TRPM6: variants seen among roughly 807,000 people sequenced by gnomAD.
TRPM6 encodes transient receptor potential cation channel subfamily M member 6, also known as channel kinase 2.
Under a neutral mutation model 247.6 loss-of-function variants are expected in TRPM6, and 111 were observed. That is an observed-to-expected ratio of 0.45 (90% confidence interval 0.38 to 0.52). TRPM6 has a LOEUF of 0.52. Among genes scored for constraint, TRPM6 ranks in the 20% least tolerant of loss-of-function variants. The probability of loss-of-function intolerance (pLI) is 0.00; values close to 1 mark genes in which losing one functional copy is unlikely to be tolerated. For missense variants in TRPM6, 2,126 were observed against 2,421.5 expected, an observed-to-expected ratio of 0.88 and a Z score of 2.56; for synonymous variants, 892 against 853.8, an observed-to-expected ratio of 1.04 and a Z score of -0.78.
chr9:74,766,684 G>A (rs1220079196), intron 25 of TRPM6, among the ~76,000 whole-genome samples: 1 of 152,022 alleles, frequency 6.6e-6, no homozygotes. Context: ...ACTGAGGCAG[G>A]TGGATCATCT....
At chr9:74,771,547 T>A (rs1483104862) in intron 25 of TRPM6, among the ~76,000 whole-genome samples, 156 bp downstream of exon 25, 2 of 152,240 alleles carry the variant, frequency 1.3e-5, no homozygotes, top group Non-Finnish European at 2.9e-5. Flanking sequence ...TTAATAAATA[T>A]ACTTTGATTA....
intron 37 of TRPM6, among the ~76,000 whole-genome samples, chr9:74,731,562 C>G (rs1825521909): frequency 6.6e-6 from 1 of 151,718 alleles, no homozygotes; most frequent in African/African-American, 2.4e-5. Flanking sequence ...GGCCTCTTTG[C>G]ATAGAAGCCT....
In TRPM6 at chr9:74,801,926, C is replaced by T. The variant is rs1021650035; in HGVS notation, c.1981G>A (p.Ala661Thr). ...GAGTAATTCTTCAACTCTTCTGAGGCATCATCCACCATGTGACTCTCCTTA... is the reference window on the plus strand; with the variant it reads ...GAGTAATTCTTCAACTCTTCTGAGGTATCATCCACCATGTGACTCTCCTTA... ...EAKESHMVDD[A>T]SEELKNYSKQ... The change falls in exon 16 of 39, where the codon GCC becomes ACC. Residue 661 changes from alanine to threonine, a missense_variant. Ala to Thr is a moderately conservative substitution (Grantham distance 58, BLOSUM62 0). Transcript: ENST00000360774. The T allele has an allele frequency of 6.2e-7, 1 of 1,614,112 alleles. No homozygotes were observed. Among genetic ancestry groups the T allele is most frequent in the African/African-American group, 1.3e-5 (1 of 74,954 alleles).
At position 74,762,928 on chromosome 9, in the gene TRPM6, T is replaced by G; in HGVS notation, c.3743A>C (p.Lys1248Thr). 6.2e-7 allele frequency: 1 copy of G among 1,605,804 alleles called. No individual in the cohort carries two copies. Residue 1248 changes from lysine (K) to threonine (T), a missense_variant, in exon 26 of 39, where the codon AAA becomes ACA. Lys to Thr is a moderately conservative substitution (Grantham distance 78). Around this residue, in one of 3 missense-constraint regions of TRPM6, gnomAD observed 717 missense variants for 715.9 expected, o/e 1.00. Coordinates refer to ENST00000360774, the MANE Select transcript of TRPM6 (RefSeq NM_017662.5). ...LAKRKHSTCK[K>T]LPHSWSNVIC... The stretch of plus-strand genomic sequence containing the variant: ...GACATTGCTCCAGCTGTGGGGAAGT[T>G]TTTTGCAAGTAGAATGCTTTCTCTT...
At position 74,732,728 on chromosome 9, in the gene TRPM6, C is replaced by T; in HGVS notation, c.5785G>A (p.Glu1929Lys). Residue 1929 changes from glutamate (E) to lysine (K), a missense_variant, in exon 37 of 39, where the codon GAA becomes AAA. Coordinates refer to ENST00000360774, the MANE Select transcript of TRPM6 (RefSeq NM_017662.5). ...LLVLDLQGVGENLTDPSVIKP... is the reference protein window; with the variant it reads ...LLVLDLQGVGKNLTDPSVIKP... ...ATAACAGATGGATCTGTCAAATTTT[C>T]TCCAACACCTCAAAAGAAGAAACAA... The T allele has an allele frequency of 6.2e-7, 1 of 1,609,000 alleles. No homozygotes were observed. Among genetic ancestry groups the T allele is most frequent in the Non-Finnish European group, 8.5e-7 (1 of 1,177,482 alleles).
chr9:74,856,572 A>T (rs751551405), intron 2 of TRPM6, among the ~76,000 whole-genome samples: 1 of 152,134 alleles, frequency 6.6e-6, no homozygotes, highest in Non-Finnish European at 1.5e-5. Context: ...TAAGTTATTC[A>T]GAAACTAATA....
intron 25 of TRPM6, among the ~76,000 whole-genome samples, chr9:74,771,390 A>G (rs1282659241): frequency 6.6e-6 from 1 of 151,964 alleles, no homozygotes; most frequent in African/African-American, 2.4e-5. Context: ...TTCTCCATCC[A>G]CTTCATTTCT....
chr9:74,806,008 T>A (rs928222582), intron 14 of TRPM6, among the ~76,000 whole-genome samples: 1 of 151,218 alleles, frequency 6.6e-6, no homozygotes, highest in Admixed American at 6.6e-5. Context: ...GAATTATTCA[T>A]TTTTTATGTA....
intron 9 of TRPM6, chr9:74,820,082 G>A: frequency 1.8e-6 from 1 of 541,688 alleles, no homozygotes; most frequent in East Asian, 3.3e-5. Context: ...GTGTGCCATG[G>A]TGGTTTGCTG....
chr9:74,880,133 A>AT (rs1317268043), intron 1 of TRPM6, among the ~76,000 whole-genome samples: 2 of 152,066 alleles, frequency 1.3e-5, no homozygotes, highest in Non-Finnish European at 2.9e-5. Flanking sequence ...AGAAATGAGG[A>AT]TTTTTCCTGA....
At chr9:74,750,610 G>T in intron 30 of TRPM6, 54 bp downstream of exon 30, 1 of 1,526,454 alleles carries the variant, frequency 6.6e-7, no homozygotes, top group Non-Finnish European at 9.1e-7. Flanking sequence ...TCCTAACCAA[G>T]TTAAAAAAAT....
chr9:74,780,961 G>C (rs1056694228), intron 23 of TRPM6, among the ~76,000 whole-genome samples: 2 of 151,950 alleles, frequency 1.3e-5, no homozygotes, highest in African/African-American at 2.4e-5. Flanking sequence ...TGGGAAAGAG[G>C]GGAGATGAAG....
chr9:74,846,859 A>AT (rs1234447502), intron 3 of TRPM6, among the ~76,000 whole-genome samples: 1 of 152,056 alleles, frequency 6.6e-6, no homozygotes, highest in Non-Finnish European at 1.5e-5. Flanking sequence ...ATTTTACAAT[A>AT]TTTTTCTAAA....
At position 74,817,090 on chromosome 9, in the gene TRPM6, T is replaced by G. The variant is rs1049465769; in HGVS notation, c.1135-126A>C. On this transcript the variant is annotated intron_variant, in intron 9 of 38. Transcript: ENST00000360774. Reference sequence around the variant, plus strand: ...GAAAACATTCTTCTTTAAAACCTTTTTTTACTTACAGGAGAGAAAACTTTT... The same window carrying G: ...GAAAACATTCTTCTTTAAAACCTTTGTTTACTTACAGGAGAGAAAACTTTT... 9 of 941,676 alleles carry G rather than the reference T, an allele frequency of 9.6e-6. No homozygotes were observed. The African/African-American group carries it at 1.3e-4, about 13-fold the overall frequency. 58.3% of individuals were successfully genotyped at this position (941,676 alleles called of 1,614,324 possible).
chr9:74,835,680 A>T (rs938880325), intron 5 of TRPM6, among the ~76,000 whole-genome samples: 1 of 152,144 alleles, frequency 6.6e-6, no homozygotes, highest in Admixed American at 6.5e-5. Flanking sequence ...TGTGGCACTG[A>T]GAGTTTAAAT....
Position 74,858,655 on chromosome 9 carries a change from A to G in TRPM6, c.113+14T>C. The G allele has an allele frequency of 6.3e-7, 1 of 1,589,444 alleles. No homozygotes were observed. The highest frequency in any genetic ancestry group is 1.7e-4 in the Middle Eastern group (1 of 5,998). ...GTGTTGCTTTTAAAAGAAGAAGGTA[A>G]TTGAAAATTTTACCTGTGAGGATTT... On this transcript the variant is annotated intron_variant, in intron 2 of 38. Coordinates refer to ENST00000360774, the MANE Select transcript of TRPM6 (RefSeq NM_017662.5).
chr9:74,833,070 T>G (rs1829598997), intron 6 of TRPM6, among the ~76,000 whole-genome samples: 1 of 151,810 alleles, frequency 6.6e-6, no homozygotes, highest in Admixed American at 6.6e-5. Flanking sequence ...AAAAAAAAAT[T>G]TAAAACAACC....
chr9:74,860,182 G>T (rs374505010), intron 1 of TRPM6, among the ~76,000 whole-genome samples: 5 of 152,156 alleles, frequency 3.3e-5, no homozygotes, highest in African/African-American at 9.7e-5. Flanking sequence ...AAACTTCCCA[G>T]ATCAAGGCCA....
At chr9:74,784,030 CG>C (rs1554700309) in intron 21 of TRPM6, among the ~76,000 whole-genome samples, 1 of 152,024 alleles carries the variant, frequency 6.6e-6, no homozygotes, top group Non-Finnish European at 1.5e-5. Context: ...CCGAGGCGAG[CG>C]GATCACTTGA....
Sources: gnomAD v4.1 joint callset for allele counts (sites outside exome capture counted in the v4.1 genomes callset) on GRCh38, gnomAD v4.1.1 for gene constraint, gnomAD v4.1.1 regional missense constraint, MANE v1.5 for transcripts, NCBI Gene and HGNC (gene_info 2026-07-23, HGNC 2026-07-21) for gene names.